DIAPH2: variants seen among roughly 807,000 people sequenced by gnomAD.
DIAPH2 encodes the protein diaphanous related formin 2.
In DIAPH2, 35 loss-of-function variants were observed where a neutral mutation model predicts 92.7. The ratio of observed to expected loss-of-function variants is 0.38; its 90% CI spans 0.29 to 0.50. The LOEUF (loss-of-function observed/expected upper bound fraction) is 0.50. Ranked by LOEUF, DIAPH2 falls within the 20% of genes least tolerant of loss-of-function variation. DIAPH2 has a pLI of 0.94. For synonymous variants in DIAPH2, 301 were observed against 280.4 expected (o/e 1.07, Z -0.73); for missense variants, 701 against 819.5 (o/e 0.86, Z 1.77).
At chrX:97,345,457 G>T (rs2069148485) in intron 23 of DIAPH2, among the ~76,000 whole-genome samples, 1 of 111,875 alleles carries the variant, frequency 8.9e-6, no homozygotes, top group Admixed American at 9.6e-5. Context: ...TAGAACTAGA[G>T]CTGTGTTCCC....
intron 1 of DIAPH2, among the ~76,000 whole-genome samples, chrX:96,695,665 A>G (rs1226108307): frequency 1.8e-5 from 2 of 112,001 alleles, no homozygotes; most frequent in Admixed American, 9.5e-5. Context: ...AAGATATGTT[A>G]CAAATCCCTA....
intron 21 of DIAPH2, among the ~76,000 whole-genome samples, chrX:97,124,607 A>G (rs1338299324): frequency 1.8e-5 from 2 of 112,258 alleles, no homozygotes; most frequent in Non-Finnish European, 3.8e-5. Flanking sequence ...CCTTGTCAAT[A>G]CTGACTGCTT....
chrX:97,181,993 C>T lies in DIAPH2; in HGVS notation c.2719+40199C>T, dbSNP rs144147833. On this transcript the variant is annotated intron_variant, in intron 22 of 26. Coordinates refer to ENST00000324765, the MANE Select transcript of DIAPH2 (RefSeq NM_006729.5). ...CATCAACCATTTGCTTATCCTCTCACTATTTGCTGTAATTTGTCAGTATCC... is the reference window on the plus strand; with the variant it reads ...CATCAACCATTTGCTTATCCTCTCATTATTTGCTGTAATTTGTCAGTATCC... Among the ~76,000 whole-genome samples the T allele has an allele frequency of 5.5e-4, 61 of 111,914 alleles. No homozygotes were observed. The East Asian group carries it at 0.015, about 27-fold the overall frequency.
Position 96,965,152 on chromosome X carries a change from T to G in DIAPH2, c.1995T>G (p.Phe665Leu). ...CFWLRVKEDKFENPDLFAKLA... is the reference protein window; with the variant it reads ...CFWLRVKEDKLENPDLFAKLA... ...GGTTAAGAGTCAAAGAAGACAAGTTTGAGAATCCAGATCTCTTTGCCAAAT... is the reference window on the plus strand; with the variant it reads ...GGTTAAGAGTCAAAGAAGACAAGTTGGAGAATCCAGATCTCTTTGCCAAAT... The change falls in exon 17 of 27, where the codon TTT (phenylalanine) becomes TTG (leucine). Residue 665 changes from phenylalanine (F) to leucine (L), a missense_variant. Phe to Leu is a conservative substitution (Grantham distance 22). Transcript: ENST00000324765. 8.3e-7 allele frequency: 1 copy of G among 1,200,635 alleles called. No homozygotes were observed. The highest frequency in any genetic ancestry group is 1.1e-6 in the Non-Finnish European group (1 of 889,632).
intron 22 of DIAPH2, among the ~76,000 whole-genome samples, chrX:97,226,535 G>A (rs1602430832): frequency 9.1e-6 from 1 of 109,869 alleles, no homozygotes; most frequent in Admixed American, 9.7e-5. Flanking sequence ...CACCAGGCCC[G>A]GCCAATTTTT....
At chrX:97,276,203 T>G (rs990874464) in intron 23 of DIAPH2, among the ~76,000 whole-genome samples, 1 of 107,012 alleles carries the variant, frequency 9.3e-6, no homozygotes, top group African/African-American at 3.4e-5. Context: ...GGCAGGGAGG[T>G]TGCAGTGAGC....
intron 25 of DIAPH2, among the ~76,000 whole-genome samples, chrX:97,402,872 C>A (rs941565420): frequency 3.0e-5 from 3 of 100,636 alleles, no homozygotes; most frequent in African/African-American, 1.1e-4. Flanking sequence ...ACCCTGTAAT[C>A]TTTCAGATGT....
At chrX:97,193,195 G>C (rs1455649700) in intron 22 of DIAPH2, among the ~76,000 whole-genome samples, 1 of 107,990 alleles carries the variant, frequency 9.3e-6, no homozygotes, top group Non-Finnish European at 1.9e-5. Context: ...TGCATTTTTT[G>C]TAGAGATTGG....
intron 26 of DIAPH2, among the ~76,000 whole-genome samples, chrX:97,511,193 T>C (rs1280331357): frequency 3.2e-5 from 3 of 95,026 alleles, no homozygotes; most frequent in Admixed American, 1.2e-4. Context: ...CATTGAGCAG[T>C]GGTTTGTAGT....
chrX:96,842,985 A>G (rs147653810), intron 4 of DIAPH2, among the ~76,000 whole-genome samples: 1 of 111,511 alleles, frequency 9.0e-6, no homozygotes, highest in African/African-American at 3.3e-5. Context: ...GAAGGTTATT[A>G]TTGGTAACAT....
chrX:96,950,820 C>T (rs1316054853), intron 15 of DIAPH2, among the ~76,000 whole-genome samples: 1 of 111,303 alleles, frequency 9.0e-6, no homozygotes, highest in Non-Finnish European at 1.9e-5. Flanking sequence ...CCTTTATCTC[C>T]CCTTTGCAGC....
At chrX:97,358,695 T>C (rs1227009476) in intron 24 of DIAPH2, among the ~76,000 whole-genome samples, 1 of 111,134 alleles carries the variant, frequency 9.0e-6, no homozygotes, top group Non-Finnish European at 1.9e-5. Flanking sequence ...ATATGGCTTG[T>C]AAAATTTTTT....
intron 23 of DIAPH2, among the ~76,000 whole-genome samples, chrX:97,330,559 C>A (rs1466756277): frequency 9.3e-6 from 1 of 107,683 alleles, no homozygotes; most frequent in African/African-American, 3.4e-5. Flanking sequence ...GTCACCCAGG[C>A]TGGAGTGCAG....
intron 23 of DIAPH2, among the ~76,000 whole-genome samples, chrX:97,342,026 A>G: frequency 8.9e-6 from 1 of 112,355 alleles, no homozygotes; most frequent in East Asian, 2.8e-4. Flanking sequence ...CACAAACTTA[A>G]TTTAGGCTGA....
At chrX:96,835,705 A>G in intron 4 of DIAPH2, among the ~76,000 whole-genome samples, 1 of 112,501 alleles carries the variant, frequency 8.9e-6, no homozygotes, top group Non-Finnish European at 1.9e-5. Flanking sequence ...AATGCTATTT[A>G]TGTACAAATG....
chrX:97,436,306 A>G (rs778272809), intron 26 of DIAPH2, among the ~76,000 whole-genome samples: 1 of 111,691 alleles, frequency 9.0e-6, no homozygotes, highest in South Asian at 3.8e-4. Flanking sequence ...ATTTTGATAT[A>G]TAGTTCTAGA....
intron 1 of DIAPH2, among the ~76,000 whole-genome samples, chrX:96,685,932 C>A (rs1441659090): frequency 8.9e-6 from 1 of 112,147 alleles, no homozygotes; most frequent in African/African-American, 3.2e-5. Context: ...ATAGTGTGAA[C>A]CGATGGTAGC....
intron 4 of DIAPH2, among the ~76,000 whole-genome samples, chrX:96,781,427 A>G (rs1369404506): frequency 9.0e-6 from 1 of 111,658 alleles, no homozygotes; most frequent in East Asian, 2.8e-4. Context: ...TTACCCTTCC[A>G]ACACAGACAT....
At chrX:97,599,131 T>G (rs1451052745) in intron 26 of DIAPH2, 122 bp from the exon 27 acceptor site, 1 of 393,191 alleles carries the variant, frequency 2.5e-6, no homozygotes, top group East Asian at 5.6e-5. Context: ...TGTTACTTAT[T>G]TACATTTTCA....
Sources: allele counts gnomAD v4.1 joint callset (sites outside exome capture counted in the v4.1 genomes callset), GRCh38; gene constraint gnomAD v4.1.1; transcripts MANE v1.5; gene names NCBI Gene and HGNC (gene_info 2026-07-23, HGNC 2026-07-21).